Variants in OR2L13 observed in about 807,000 individuals in gnomAD.
OR2L13 encodes olfactory receptor family 2 subfamily L member 13, also known as olfactory receptor 2L13.
A neutral mutation model predicts 15.3 loss-of-function variants in OR2L13; 14 were observed. That is an observed-to-expected ratio of 0.91 (90% CI 0.60 to 1.43). The LOEUF is 1.43. Ranked by LOEUF, OR2L13 falls within the 40% of genes most tolerant of loss-of-function variation. The pLI is 0.00. For synonymous variants in OR2L13, 152 were observed against 142.9 expected (o/e 1.06, Z -0.45); for missense variants, 367 against 387.9 (o/e 0.95, Z 0.45).
the OR2L13 span, among the ~76,000 whole-genome samples, chr1:248,066,855 T>C: frequency 2.0e-5 from 3 of 152,340 alleles, no homozygotes; most frequent in African/African-American, 4.8e-5. Context: ...GCCAATTAGA[T>C]AGTTGCAAAG....
the OR2L13 span, among the ~76,000 whole-genome samples, chr1:248,080,374 AC>A: frequency 6.6e-6 from 1 of 152,090 alleles, no homozygotes; most frequent in Non-Finnish European, 1.5e-5. Flanking sequence ...GGTTTGCTGC[AC>A]CCATCAACTC....
the OR2L13 span, among the ~76,000 whole-genome samples, chr1:248,021,125 A>T: frequency 6.6e-6 from 1 of 152,082 alleles, no homozygotes; most frequent in Admixed American, 6.5e-5. Context: ...AGCATAACAT[A>T]TGATCTTGAT....
chr1:248,029,241 C>G, the OR2L13 span: 5 of 151,936 alleles, frequency 3.3e-5, no homozygotes, highest in African/African-American at 4.8e-5. Flanking sequence ...ATATATATCA[C>G]AATAAATATA....
the OR2L13 span, chr1:248,038,082 A>G: frequency 1.8e-5 from 9 of 494,198 alleles, no homozygotes; most frequent in Admixed American, 3.0e-4. Flanking sequence ...TTCCTTGCCT[A>G]ATTTATAAAT....
chr1:247,943,107 T>G, the OR2L13 span, among the ~76,000 whole-genome samples: 1 of 152,220 alleles, frequency 6.6e-6, no homozygotes, highest in African/African-American at 2.4e-5. Context: ...CTTCTGTAGA[T>G]GAGCACTTTC....
At chr1:248,033,746 CT>C in the OR2L13 span, among the ~76,000 whole-genome samples, 1 of 151,808 alleles carries the variant, frequency 6.6e-6, no homozygotes, top group African/African-American at 2.4e-5. Flanking sequence ...CCTGTCCTCT[CT>C]TTTCTTCTAT....
chr1:248,020,035 A>T, the OR2L13 span, among the ~76,000 whole-genome samples: 7 of 152,266 alleles, frequency 4.6e-5, no homozygotes, highest in South Asian at 1.5e-3. Flanking sequence ...TGCCTGCCTC[A>T]GGCTCCCAGA....
At chr1:248,040,596 TA>T in the OR2L13 span, 2 of 152,312 alleles carry the variant, frequency 1.3e-5, no homozygotes, top group Admixed American at 6.5e-5. Flanking sequence ...ATAGTAAACA[TA>T]TTTTCTCTTT....
At chr1:248,003,306 G>A in the OR2L13 span, 16 of 1,583,132 alleles carry the variant, frequency 1.0e-5, no homozygotes, top group Non-Finnish European at 1.4e-5. Flanking sequence ...ACACCCATGT[G>A]TTTCCTACTT....
the OR2L13 span, among the ~76,000 whole-genome samples, chr1:247,967,550 A>G: frequency 6.6e-6 from 1 of 152,170 alleles, no homozygotes; most frequent in Non-Finnish European, 1.5e-5. Flanking sequence ...TTAATACAAA[A>G]TTAATATATC....
the OR2L13 span, among the ~76,000 whole-genome samples, chr1:247,961,850 C>G: frequency 6.6e-6 from 1 of 151,606 alleles, no homozygotes; most frequent in Non-Finnish European, 1.5e-5. Flanking sequence ...TTGGCAAAGG[C>G]CAAAAAAAAA....
the OR2L13 span, among the ~76,000 whole-genome samples, chr1:248,032,884 A>G: frequency 6.6e-6 from 1 of 152,170 alleles, no homozygotes; most frequent in African/African-American, 2.4e-5. Context: ...GTTGGAACCT[A>G]TACTAACTCT....
the OR2L13 span, among the ~76,000 whole-genome samples, chr1:247,980,246 A>T: frequency 6.6e-6 from 1 of 152,140 alleles, no homozygotes; most frequent in Admixed American, 6.5e-5. Context: ...AATTGTTTTA[A>T]AATTTAATGG....
chr1:248,059,550 G>T, the OR2L13 span, among the ~76,000 whole-genome samples: 7 of 152,164 alleles, frequency 4.6e-5, no homozygotes, highest in Admixed American at 4.6e-4. Context: ...GGATGATGAT[G>T]AATATTGAAA....
the OR2L13 span, among the ~76,000 whole-genome samples, chr1:248,082,057 G>T: frequency 1.3e-5 from 2 of 151,104 alleles, no homozygotes; most frequent in Non-Finnish European, 2.9e-5. Context: ...GTTTATTGCG[G>T]CATTATTCAC....
At chr1:248,100,756 G>T (rs954555829) in exon 3 of OR2L13, 1 of 168,088 alleles carries the variant, frequency 5.9e-6, no homozygotes, top group African/African-American at 2.4e-5. Flanking sequence ...CCAGTAGTCA[G>T]TGTCTATAGT....
At chr1:248,039,038 C>T in the OR2L13 span, 1 of 1,614,082 alleles carries the variant, frequency 6.2e-7, no homozygotes, top group East Asian at 2.2e-5. Flanking sequence ...TTGCTTATAC[C>T]TATGTACGTC....
the OR2L13 span, among the ~76,000 whole-genome samples, chr1:248,007,279 T>C: frequency 2.0e-5 from 3 of 152,220 alleles, no homozygotes; most frequent in Admixed American, 2.0e-4. Context: ...CTATTTTTCA[T>C]GCCAATGACT....
the OR2L13 span, among the ~76,000 whole-genome samples, chr1:248,008,129 A>G: frequency 6.6e-6 from 1 of 152,126 alleles, no homozygotes; most frequent in Non-Finnish European, 1.5e-5. Flanking sequence ...CCCTCCCTGT[A>G]TCACAATAGA....
Sources: gnomAD v4.1 joint callset for allele counts (sites outside exome capture counted in the v4.1 genomes callset) on GRCh38, gnomAD v4.1.1 for gene constraint, MANE v1.5 for transcripts, NCBI Gene and HGNC (gene_info 2026-07-23, HGNC 2026-07-21) for gene names.